The following TUBGCP3 variants were observed in gnomAD, a reference collection of about 807,000 sequenced individuals.
TUBGCP3 encodes gamma-tubulin complex component 3.
TUBGCP3 carries 50 observed loss-of-function variants against 123.1 expected under a neutral mutation model. The ratio of observed to expected loss-of-function variants is 0.41; its 90% CI spans 0.32 to 0.51. The LOEUF (loss-of-function observed/expected upper bound fraction) is 0.51, where lower values mean the gene tolerates loss of function less well. Ranked by LOEUF, TUBGCP3 falls within the 20% of genes least tolerant of loss-of-function variation. The pLI is 0.36. For missense variants in TUBGCP3, 882 were observed against 1,127.0 expected (o/e 0.78, Z 3.11); for synonymous variants, 405 against 413.9 (o/e 0.98, Z 0.26).
chr13:112,518,190 T>C (rs1594134001), intron 16 of TUBGCP3, among the ~76,000 whole-genome samples: 1 of 151,950 alleles, frequency 6.6e-6, no homozygotes, highest in African/African-American at 2.4e-5. Context: ...AGAGGGTGAG[T>C]GTGCCCTGAT....
intron 3 of TUBGCP3, 29 bp downstream of exon 3, chr13:112,565,082 G>C: frequency 6.2e-7 from 1 of 1,600,912 alleles, no homozygotes; most frequent in Non-Finnish European, 8.6e-7. Flanking sequence ...AACAATGAGT[G>C]CAATGACCTC....
At chr13:112,552,009 T>A (rs918048621) in intron 8 of TUBGCP3, among the ~76,000 whole-genome samples, 1 of 152,152 alleles carries the variant, frequency 6.6e-6, no homozygotes, top group Non-Finnish European at 1.5e-5. Context: ...CACACTCCTA[T>A]GAAACTAATG....
chr13:112,513,691 C>G (rs1881826849), intron 17 of TUBGCP3, among the ~76,000 whole-genome samples: 1 of 152,138 alleles, frequency 6.6e-6, no homozygotes, highest in Non-Finnish European at 1.5e-5. Context: ...GATTTCTGCT[C>G]ATGAAGCTGC....
chr13:112,567,696 A>G (rs1488092139), intron 2 of TUBGCP3, among the ~76,000 whole-genome samples: 1 of 152,230 alleles, frequency 6.6e-6, no homozygotes, highest in Non-Finnish European at 1.5e-5. Flanking sequence ...AGCCCTGAAC[A>G]GGCAAAAGCA....
chr13:112,565,266 C>T (rs1880868304), intron 2 of TUBGCP3, 88 bp from the exon 3 acceptor site: 1 of 1,143,904 alleles, frequency 8.7e-7, no homozygotes, highest in Non-Finnish European at 1.3e-6. Context: ...CACCATAACT[C>T]GCAAGTGATG....
At chr13:112,556,324 A>C in intron 5 of TUBGCP3, 100 bp from the exon 6 acceptor site, 1 of 1,154,532 alleles carries the variant, frequency 8.7e-7, no homozygotes, top group Non-Finnish European at 1.2e-6. Flanking sequence ...GAATTACATA[A>C]ATTTATAAAT....
intron 19 of TUBGCP3, among the ~76,000 whole-genome samples, chr13:112,501,833 A>G (rs1880926945): frequency 6.6e-6 from 1 of 152,182 alleles, no homozygotes; most frequent in East Asian, 1.9e-4. Context: ...CCACTTTCAC[A>G]AGGGCACTGT....
At position 112,519,183 on chromosome 13, in the gene TUBGCP3, T is replaced by G; in HGVS notation, c.1882-140A>C. ...TTCTGAGTGCATCTTCTTGTTAACT[T>G]CTACAACCTCACCAATTAGGCAATA... On this transcript the variant is annotated intron_variant, in intron 15 of 21. Coordinates refer to ENST00000261965, the MANE Select transcript of TUBGCP3 (RefSeq NM_006322.6). The surrounding 1 kb of genome is among the most constrained non-coding windows in gnomAD (Gnocchi z 6.2). 1 of 678,400 alleles carries G rather than the reference T, an allele frequency of 1.5e-6. No homozygotes were observed. Among genetic ancestry groups the G allele is most frequent in the Non-Finnish European group, 2.7e-6 (1 of 375,844 alleles). The allele number at this position is 678,400 out of a possible 1,614,324, so 42.0% of individuals were successfully genotyped here. A position where few individuals can be genotyped will look rare whatever the true frequency, so the allele number is the denominator to read the frequency against.
At chr13:112,515,977 T>A (rs1163909608) in intron 17 of TUBGCP3, among the ~76,000 whole-genome samples, 3 of 152,246 alleles carry the variant, frequency 2.0e-5, no homozygotes, top group Non-Finnish European at 4.4e-5. Flanking sequence ...TCTCAAAGGT[T>A]CTGACCAAAT....
intron 7 of TUBGCP3, among the ~76,000 whole-genome samples, chr13:112,554,400 C>T (rs1020998469): frequency 1.3e-5 from 2 of 152,208 alleles, no homozygotes; most frequent in Non-Finnish European, 2.9e-5. Flanking sequence ...TTTCACACCA[C>T]CCTGCAGTTG....
intron 11 of TUBGCP3, among the ~76,000 whole-genome samples, chr13:112,530,434 T>C (rs1877482269): frequency 6.6e-6 from 1 of 152,266 alleles, no homozygotes. Flanking sequence ...AAATCGCATA[T>C]ACAACTGACC....
chr13:112,519,876 G>A lies in TUBGCP3; in HGVS notation c.1881+10C>T. 6.2e-7 allele frequency: 1 copy of A among 1,612,034 alleles called. No individual in the cohort carries two copies. The highest frequency in any genetic ancestry group is 8.5e-7 in the Non-Finnish European group (1 of 1,178,518). ...CGGGGCGGCGTTCCCAACACGCAGA[G>A]CCGCAGTACCTCCAGCAGCCGCACG... On this transcript the variant is annotated intron_variant, in intron 15 of 21. Coordinates refer to ENST00000261965, the MANE Select transcript of TUBGCP3 (RefSeq NM_006322.6). This position sits in a 1 kb window ranked among gnomAD's most constrained non-coding sequence, Gnocchi z 6.2.
chr13:112,569,787 C>A (rs1473174309), intron 1 of TUBGCP3, among the ~76,000 whole-genome samples: 1 of 152,064 alleles, frequency 6.6e-6, no homozygotes, highest in Non-Finnish European at 1.5e-5. Flanking sequence ...CATAAACCAA[C>A]AAGGACAAAG....
chr13:112,576,787 T>C (rs1200711367), intron 1 of TUBGCP3, among the ~76,000 whole-genome samples: 4 of 151,884 alleles, frequency 2.6e-5, no homozygotes, highest in Admixed American at 6.6e-5. Context: ...ATTTATAGCA[T>C]AAAATGCTTT....
intron 11 of TUBGCP3, among the ~76,000 whole-genome samples, chr13:112,543,708 T>A (rs932366911): frequency 1.3e-5 from 2 of 152,192 alleles, no homozygotes; most frequent in South Asian, 2.1e-4. Flanking sequence ...TAAGGCTCAG[T>A]CAACAGTACA....
Position 112,485,742 on chromosome 13 carries a change from T to C in TUBGCP3, c.*251A>G, listed in dbSNP as rs979373062. The C allele has an allele frequency of 2.4e-6, 1 of 421,836 alleles. No homozygotes were observed. 26.1% of individuals were successfully genotyped at this position (421,836 alleles called of 1,614,324 possible). A position where few individuals can be genotyped will look rare whatever the true frequency, so the allele number is the denominator to read the frequency against. Reference sequence around the variant, plus strand: ...AGCAAATTATGGTATCTTTTAGCGATGAAGACTTTTAGAGACAAATGTGAA... The same window carrying C: ...AGCAAATTATGGTATCTTTTAGCGACGAAGACTTTTAGAGACAAATGTGAA... On this transcript the variant is annotated 3_prime_UTR_variant, in exon 22 of 22. Coordinates refer to ENST00000261965, the MANE Select transcript of TUBGCP3 (RefSeq NM_006322.6).
At chr13:112,541,387 T>C (rs1418798293) in intron 11 of TUBGCP3, among the ~76,000 whole-genome samples, 1 of 151,696 alleles carries the variant, frequency 6.6e-6, no homozygotes, top group African/African-American at 2.4e-5. Context: ...ACTAAAAATA[T>C]GAAAATTAGC....
intron 17 of TUBGCP3, among the ~76,000 whole-genome samples, chr13:112,515,752 G>A (rs1298198574): frequency 6.6e-6 from 1 of 152,172 alleles, no homozygotes; most frequent in Non-Finnish European, 1.5e-5. Flanking sequence ...CTCAGACAGG[G>A]AACTCCCTGC....
intron 20 of TUBGCP3, among the ~76,000 whole-genome samples, chr13:112,493,932 T>C (rs570675142): frequency 8.0e-6 from 1 of 124,896 alleles, no homozygotes; most frequent in African/African-American, 3.1e-5. Flanking sequence ...TATGGGAACA[T>C]GGCCTGGTGT....
Sources: gnomAD v4.1 joint callset for allele counts (sites outside exome capture counted in the v4.1 genomes callset) on GRCh38, gnomAD v4.1.1 for gene constraint, Gnocchi (gnomAD v3.1) non-coding constraint, MANE v1.5 for transcripts, NCBI Gene and HGNC (gene_info 2026-07-23, HGNC 2026-07-21) for gene names.